The following TBC1D7 variants were observed in gnomAD, a reference collection of about 807,000 sequenced individuals.
TBC1D7 encodes TBC1 domain family member 7.
Under a neutral mutation model 35.3 loss-of-function variants are expected in TBC1D7, and 33 were observed. The observed-to-expected ratio is 0.93, with a 90% CI of 0.71 to 1.25. TBC1D7 has a LOEUF of 1.25. Ranked by LOEUF, TBC1D7 falls within the 50% of genes most tolerant of loss-of-function variation. The pLI is 0.00. For missense variants in TBC1D7, 362 were observed against 365.3 expected, an observed-to-expected ratio of 0.99 and a Z score of 0.07; for synonymous variants, 135 against 129.5, an observed-to-expected ratio of 1.04 and a Z score of -0.29.
chr6:13,325,781 A>T (rs779100756), intron 2 of TBC1D7, among the ~76,000 whole-genome samples: 4 of 152,222 alleles, frequency 2.6e-5, no homozygotes, highest in Non-Finnish European at 4.4e-5. Context: ...TTTAATTCAC[A>T]CTGCAAGCCT....
At chr6:13,321,267 T>C (rs1462807662) in intron 3 of TBC1D7, among the ~76,000 whole-genome samples, 172 bp from the exon 4 acceptor site, 2 of 152,106 alleles carry the variant, frequency 1.3e-5, no homozygotes, top group Non-Finnish European at 2.9e-5. Flanking sequence ...TATAAAACAA[T>C]CTTAAATGTG....
intron 5 of TBC1D7, among the ~76,000 whole-genome samples, chr6:13,309,837 A>G (rs77439274): frequency 6.6e-6 from 1 of 152,284 alleles, no homozygotes; most frequent in Non-Finnish European, 1.5e-5. Flanking sequence ...TAATATCCCT[A>G]CCTAAAGAGA....
Position 13,320,888 on chromosome 6 carries a change from A to T in TBC1D7, c.381+20T>A. ...ACGGTCTAGAGTTGAGCTTAGTGTC[A>T]GACAAAAGTGACCACTAACCAGTGG... is the stretch of plus-strand genomic sequence containing the variant. On this transcript the variant is annotated intron_variant, in intron 4 of 7. Transcript: ENST00000379300. The T allele has an allele frequency of 6.2e-7, 1 of 1,612,054 alleles. No individual in the cohort carries two copies. Among genetic ancestry groups the T allele is most frequent in the South Asian group, 1.1e-5 (1 of 91,052 alleles).
intron 5 of TBC1D7, among the ~76,000 whole-genome samples, chr6:13,308,705 C>T (rs952983164): frequency 6.6e-6 from 1 of 152,208 alleles, no homozygotes; most frequent in Non-Finnish European, 1.5e-5. Context: ...TACCTCTCTG[C>T]TTCTGTTAAA....
At chr6:13,324,988 A>T in intron 3 of TBC1D7, 106 bp downstream of exon 3, 1 of 755,074 alleles carries the variant, frequency 1.3e-6, no homozygotes, top group Non-Finnish European at 2.2e-6. Flanking sequence ...TCCAATATTC[A>T]GTAAAAGGCC....
At chr6:13,324,774 A>T (rs56213308) in intron 3 of TBC1D7, among the ~76,000 whole-genome samples, 3,961 of 152,338 alleles carry the variant, frequency 0.026, 84 homozygotes, top group Non-Finnish European at 0.037. Context: ...CAAAAGCTTC[A>T]GTTTATAGAT....
chr6:13,312,458 G>C (rs1322808800), intron 5 of TBC1D7, among the ~76,000 whole-genome samples: 3 of 152,024 alleles, frequency 2.0e-5, no homozygotes, highest in Non-Finnish European at 4.4e-5. Context: ...AGGCCGAGTG[G>C]GGGCAGATCA....
chr6:13,315,959 C>T (rs1170320987), intron 5 of TBC1D7, among the ~76,000 whole-genome samples: 1 of 152,200 alleles, frequency 6.6e-6, no homozygotes, highest in Non-Finnish European at 1.5e-5. Context: ...GCTGGCTTGT[C>T]CCTCTTATTC....
chr6:13,305,192 G>C lies in TBC1D7; in HGVS notation c.796-5C>G. ...GTCTGAGCTGTCCTGGGGAATCTGT[G>C]GGCAAGCAAATCAGTCTTTGTGAAA... is the stretch of plus-strand genomic sequence containing the variant. On this transcript the variant is annotated splice_polypyrimidine_tract_variant and splice_region_variant and intron_variant, in intron 7 of 7. Transcript: ENST00000379300. The C allele has an allele frequency of 6.2e-7, 1 of 1,614,082 alleles. No individual in the cohort carries two copies.
intron 3 of TBC1D7, 98 bp downstream of exon 3, chr6:13,324,996 G>A: frequency 1.2e-6 from 1 of 839,302 alleles, no homozygotes. Flanking sequence ...TCAGTAAAAG[G>A]CCTAAACAAA....
intron 5 of TBC1D7, among the ~76,000 whole-genome samples, chr6:13,315,277 G>A (rs534172928): frequency 6.6e-6 from 1 of 152,028 alleles, no homozygotes; most frequent in South Asian, 2.1e-4. Context: ...CCTACTCAAC[G>A]TGAAGACAAT....
intron 4 of TBC1D7, chr6:13,319,469 G>GAAAAAAAAAAAAAAAA (rs1236035284): frequency 1.0e-5 from 1 of 98,118 alleles, no homozygotes; most frequent in Non-Finnish European, 2.2e-5. Context: ...TCAAAAAAAA[G>GAAAAAAAAAAAAAAAA]AAAAAAAAAA....
At chr6:13,323,368 A>G (rs912277151) in intron 3 of TBC1D7, among the ~76,000 whole-genome samples, 3 of 152,110 alleles carry the variant, frequency 2.0e-5, no homozygotes, top group African/African-American at 7.2e-5. Context: ...AAAAATTAAA[A>G]AAAAAGAAAG....
Position 13,321,037 on chromosome 6 carries a change from C to A in TBC1D7, c.252G>T (p.Gln84His). Residue 84 changes from glutamine to histidine, a missense_variant, in exon 4 of 8, where the codon CAG becomes CAT. By Grantham distance (24) the Gln-to-His change is conservative. Transcript: ENST00000379300. Reference sequence around the variant, plus strand: ...TCAGGGCATGAAGGACATCCAAGTACTGCTCCTTACGATACATCATCACCT... The same window carrying A: ...TCAGGGCATGAAGGACATCCAAGTAATGCTCCTTACGATACATCATCACCT... Reference protein sequence around the residue: ...HAKVMMYRKEQYLDVLHALKV... With the variant: ...HAKVMMYRKEHYLDVLHALKV... The A allele has an allele frequency of 2.5e-6, 4 of 1,614,162 alleles. No homozygotes were observed. Among genetic ancestry groups the A allele is most frequent in the Non-Finnish European group, 3.4e-6 (4 of 1,179,980 alleles).
intron 5 of TBC1D7, among the ~76,000 whole-genome samples, chr6:13,313,553 A>G (rs1783383171): frequency 7.3e-6 from 1 of 136,394 alleles, no homozygotes; most frequent in South Asian, 2.6e-4. Context: ...TACCAAGCCT[A>G]GAGAGATACG....
chr6:13,327,724 C>A (rs1052872968), intron 1 of TBC1D7: 1 of 152,206 alleles, frequency 6.6e-6, no homozygotes, highest in Non-Finnish European at 1.5e-5. Context: ...TTCACAGTAA[C>A]CTTCATAATA....
Position 13,305,046 on chromosome 6 carries a change from A to G in TBC1D7, c.*55T>C. 6 of 1,400,398 alleles carry G rather than the reference A, an allele frequency of 4.3e-6. No homozygotes were observed. Among genetic ancestry groups the G allele is most frequent in the South Asian group, 1.3e-5 (1 of 75,954 alleles). 86.7% of individuals were successfully genotyped at this position (1,400,398 alleles called of 1,614,324 possible). ...AATCAGTTTCCCAGATCACATGCCA[A>G]GAACACAATGCTCACTGTGGTGCCT... On this transcript the variant is annotated 3_prime_UTR_variant, in exon 8 of 8. Transcript: ENST00000379300.
At chr6:13,322,017 A>T (rs1280566481) in intron 3 of TBC1D7, among the ~76,000 whole-genome samples, 1 of 152,194 alleles carries the variant, frequency 6.6e-6, no homozygotes, top group Non-Finnish European at 1.5e-5. Context: ...CAGGCAGATC[A>T]CTTGAGCCCA....
At chr6:13,317,960 G>T (rs1054175808) in intron 4 of TBC1D7, 1 of 152,330 alleles carries the variant, frequency 6.6e-6, no homozygotes, top group Non-Finnish European at 1.5e-5. Flanking sequence ...TTTAAGAGGT[G>T]ACTGGATCAT....
Sources: allele counts gnomAD v4.1 joint callset (sites outside exome capture counted in the v4.1 genomes callset), GRCh38; gene constraint gnomAD v4.1.1; transcripts MANE v1.5; gene names NCBI Gene and HGNC (gene_info 2026-07-23, HGNC 2026-07-21).